The following TRPC3 variants were observed in gnomAD, a reference collection of about 807,000 sequenced individuals.
TRPC3 encodes the protein short transient receptor potential channel 3.
Under a neutral mutation model 90.9 loss-of-function variants are expected in TRPC3, and 54 were observed. The ratio of observed to expected loss-of-function variants is 0.59; its 90% CI spans 0.48 to 0.75. The LOEUF (loss-of-function observed/expected upper bound fraction) is 0.75, where lower values mean the gene tolerates loss of function less well. Among genes scored for constraint, TRPC3 ranks in the 30% least tolerant of loss-of-function variants. The pLI is 0.00. For missense variants in TRPC3, 918 were observed against 1,194.5 expected (o/e 0.77, Z 3.41); for synonymous variants, 424 against 450.9 (o/e 0.94, Z 0.75).
rs1230820695 is a variant in TRPC3, at chr4:121,921,957, C to T, written c.1176+3061G>A. 3.6e-5 allele frequency among the ~76,000 whole-genome samples: 5 copies of T among 140,108 alleles called. No homozygotes were observed. The South Asian group carries it at 9.1e-4, about 25-fold the overall frequency. The allele number at this position is 140,108 out of a possible 152,430, so 91.9% of individuals were successfully genotyped here. On this transcript the variant is annotated intron_variant, in intron 3 of 11. Coordinates refer to ENST00000379645, the MANE Select transcript of TRPC3 (RefSeq NM_001130698.2). ...TTTTCGAGTCGGAGTCTCGCTCTGT[C>T]GCCCAGGCTGCAGTGCAGTGGCGTG...
At chr4:121,948,059 C>A (rs1438526267) in intron 1 of TRPC3, among the ~76,000 whole-genome samples, 1 of 152,076 alleles carries the variant, frequency 6.6e-6, no homozygotes, top group African/African-American at 2.4e-5. Flanking sequence ...TTTGAGTAAT[C>A]TCATGTAGTC....
intron 1 of TRPC3, among the ~76,000 whole-genome samples, chr4:121,940,679 G>A (rs1210664373): frequency 1.3e-5 from 2 of 152,176 alleles, no homozygotes; most frequent in South Asian, 4.1e-4. Flanking sequence ...GAAATGTTGG[G>A]TCTTTTGATC....
chr4:121,922,700 C>G (rs1279665781), intron 3 of TRPC3, among the ~76,000 whole-genome samples: 1 of 152,158 alleles, frequency 6.6e-6, no homozygotes, highest in Non-Finnish European at 1.5e-5. Flanking sequence ...TCAATTCTCT[C>G]AGGTGCCAAA....
chr4:121,938,172 G>C (rs1730194292), intron 1 of TRPC3, among the ~76,000 whole-genome samples: 1 of 152,028 alleles, frequency 6.6e-6, no homozygotes, highest in African/African-American at 2.4e-5. Context: ...ATAAATATCT[G>C]TTTAGTTGAG....
At chr4:121,913,882 C>T (rs924878611) in intron 4 of TRPC3, among the ~76,000 whole-genome samples, 3 of 152,162 alleles carry the variant, frequency 2.0e-5, no homozygotes, top group Admixed American at 6.5e-5. Context: ...AGAACTCTGC[C>T]GGTGGAGACT....
At chr4:121,899,391 T>C (rs1728624484) in intron 10 of TRPC3, among the ~76,000 whole-genome samples, 1 of 152,194 alleles carries the variant, frequency 6.6e-6, no homozygotes, top group Non-Finnish European at 1.5e-5. Flanking sequence ...TGGACTCTGA[T>C]TTCTAAAGTC....
chr4:121,917,930 C>A (rs1729372122), intron 3 of TRPC3, among the ~76,000 whole-genome samples: 1 of 152,196 alleles, frequency 6.6e-6, no homozygotes, highest in South Asian at 2.1e-4. Flanking sequence ...GACAGGTGGG[C>A]ATGTGTCTAT....
chr4:121,885,110 C>T (rs1007936275), intron 10 of TRPC3, among the ~76,000 whole-genome samples: 1 of 152,168 alleles, frequency 6.6e-6, no homozygotes, highest in African/African-American at 2.4e-5. Context: ...CTGCACAAGG[C>T]AAGAAGGTAC....
At chr4:121,923,776 T>C (rs1729609002) in intron 3 of TRPC3, among the ~76,000 whole-genome samples, 1 of 152,222 alleles carries the variant, frequency 6.6e-6, no homozygotes, top group Non-Finnish European at 1.5e-5. Context: ...CTCTAGTGCC[T>C]GTCCTCTTAA....
rs922575449 is a variant in TRPC3 at position 121,932,041 on chromosome 4, T to A, written c.987+230A>T. Among the ~76,000 whole-genome samples the A allele has an allele frequency of 6.6e-6, 1 of 152,248 alleles. No individual in the cohort carries two copies. The highest frequency in any genetic ancestry group is 1.5e-5 in the Non-Finnish European group (1 of 68,044). ...CCAACACAGAGCGGCACCATAATTA[T>A]AGCTCTCTGATCCAGAATACTGGAT... On this transcript the variant is annotated intron_variant, in intron 2 of 11. Coordinates refer to ENST00000379645, the MANE Select transcript of TRPC3 (RefSeq NM_001130698.2). The surrounding 1 kb of genome is among the most constrained non-coding windows in gnomAD (Gnocchi z 7.7).
At chr4:121,919,147 T>C (rs976188751) in intron 3 of TRPC3, among the ~76,000 whole-genome samples, 1 of 152,212 alleles carries the variant, frequency 6.6e-6, no homozygotes, top group African/African-American at 2.4e-5. Context: ...CTGAAATGTT[T>C]TTTCTTGCCA....
chr4:121,938,375 TGATCATGTCA>T (rs1730200654), intron 1 of TRPC3, among the ~76,000 whole-genome samples: 1 of 152,208 alleles, frequency 6.6e-6, no homozygotes, highest in African/African-American at 2.4e-5. Flanking sequence ...CTCACTGTTT[TGATCATGTCA>T]GTCACAAAGT....
intron 3 of TRPC3, among the ~76,000 whole-genome samples, chr4:121,920,296 C>T (rs545660110): frequency 2.0e-5 from 3 of 152,008 alleles, no homozygotes; most frequent in East Asian, 3.9e-4. Context: ...CTGAGGTGGG[C>T]GGATCACTTG....
At chr4:121,935,419 G>GGT (rs34252770) in intron 1 of TRPC3, among the ~76,000 whole-genome samples, 2,595 of 147,294 alleles carry the variant, frequency 0.018, 33 homozygotes, top group African/African-American at 0.042. Context: ...ACATGTGTGG[G>GGT]GTGTGTGTGT....
At chr4:121,886,349 G>A (rs1728117051) in intron 10 of TRPC3, among the ~76,000 whole-genome samples, 1 of 152,066 alleles carries the variant, frequency 6.6e-6, no homozygotes, top group South Asian at 2.1e-4. Context: ...TGAATGAAGG[G>A]TAATAAGACT....
At chr4:121,916,232 T>A (rs919238999) in intron 3 of TRPC3, among the ~76,000 whole-genome samples, 1 of 152,040 alleles carries the variant, frequency 6.6e-6, no homozygotes, top group Non-Finnish European at 1.5e-5. Context: ...TAGTTTCCCA[T>A]CAACAATTTT....
chr4:121,885,291 C>T (rs533781337), intron 10 of TRPC3, among the ~76,000 whole-genome samples: 14 of 152,256 alleles, frequency 9.2e-5, no homozygotes, highest in African/African-American at 3.4e-4. Flanking sequence ...TCTAGTAAAC[C>T]CAAGACAGTA....
At chr4:121,896,828 T>A (rs560556445) in intron 10 of TRPC3, among the ~76,000 whole-genome samples, 3 of 152,192 alleles carry the variant, frequency 2.0e-5, no homozygotes, top group Admixed American at 6.5e-5. Flanking sequence ...AGACCCCAAA[T>A]AGCCAAAGCA....
At chr4:121,900,018 T>A (rs1193737055) in intron 9 of TRPC3, among the ~76,000 whole-genome samples, 1 of 152,198 alleles carries the variant, frequency 6.6e-6, no homozygotes, top group Non-Finnish European at 1.5e-5. Flanking sequence ...ACTCAAGGCA[T>A]CTAGAAGGCC....
Sources: gnomAD v4.1 joint callset for allele counts (sites outside exome capture counted in the v4.1 genomes callset) on GRCh38, gnomAD v4.1.1 for gene constraint, Gnocchi (gnomAD v3.1) non-coding constraint, MANE v1.5 for transcripts, NCBI Gene and HGNC (gene_info 2026-07-23, HGNC 2026-07-21) for gene names.